The following NAE1 variants were observed in gnomAD, a reference collection of about 807,000 sequenced individuals.
The protein encoded by NAE1 is NEDD8 activating enzyme E1 subunit 1, also known as NEDD8-activating enzyme E1 regulatory subunit.
A neutral mutation model predicts 88.0 loss-of-function variants in NAE1; 59 were observed. That is an observed-to-expected ratio of 0.67 (90% CI 0.54 to 0.83). The LOEUF is 0.83. Ranked by LOEUF, NAE1 falls within the 40% of genes least tolerant of loss-of-function variation. The probability of loss-of-function intolerance (pLI) is 0.00; values close to 1 mark genes in which losing one functional copy is unlikely to be tolerated. For synonymous variants in NAE1, 186 were observed against 208.9 expected (o/e 0.89, Z 0.95); for missense variants, 554 against 632.8 (o/e 0.88, Z 1.34).
chr16:66,820,473 A>G (rs932477053), intron 7 of NAE1, among the ~76,000 whole-genome samples: 5 of 152,190 alleles, frequency 3.3e-5, no homozygotes, highest in African/African-American at 9.7e-5. Flanking sequence ...AAAAGATTGG[A>G]CGGACCTGGT....
At chr16:66,803,764 T>C (rs1959449253) in intron 19 of NAE1, among the ~76,000 whole-genome samples, 1 of 152,036 alleles carries the variant, frequency 6.6e-6, no homozygotes, top group Admixed American at 6.6e-5. Context: ...ATAATTTTTT[T>C]GTATTTTTAG....
intron 1 of NAE1, among the ~76,000 whole-genome samples, chr16:66,828,889 C>T (rs994415710): frequency 1.3e-5 from 2 of 151,254 alleles, no homozygotes; most frequent in Admixed American, 6.6e-5. Context: ...GCAGGAGGAT[C>T]GTTAGAGCCC....
chr16:66,823,496 A>G, intron 5 of NAE1, 33 bp downstream of exon 5: 1 of 1,544,638 alleles, frequency 6.5e-7, no homozygotes, highest in Non-Finnish European at 8.9e-7. Flanking sequence ...ATTGTATTTC[A>G]GCACAGACAT....
intron 7 of NAE1, among the ~76,000 whole-genome samples, chr16:66,819,578 T>C (rs1371079600): frequency 1.3e-5 from 2 of 152,218 alleles, no homozygotes; most frequent in African/African-American, 4.8e-5. Context: ...CTTGGGACCA[T>C]AAGTGTTTTG....
intron 7 of NAE1, 93 bp downstream of exon 7, chr16:66,821,357 C>T (rs1960250826): frequency 7.3e-7 from 1 of 1,365,574 alleles, no homozygotes; most frequent in Admixed American, 3.4e-5. Context: ...TACAAATTTA[C>T]TTTGTAATTT....
chr16:66,804,707 A>G (rs1351359675), intron 19 of NAE1, among the ~76,000 whole-genome samples: 2 of 152,038 alleles, frequency 1.3e-5, no homozygotes, highest in Admixed American at 6.6e-5. Flanking sequence ...CCCCAGTGTA[A>G]TTGTATGAGG....
chr16:66,829,052 A>C (rs1171555793), intron 1 of NAE1, among the ~76,000 whole-genome samples: 1 of 152,064 alleles, frequency 6.6e-6, no homozygotes, highest in Non-Finnish European at 1.5e-5. Flanking sequence ...AATAGGCCAA[A>C]TGAATCAGTC....
intron 13 of NAE1, among the ~76,000 whole-genome samples, chr16:66,811,189 G>A (rs1385472966): frequency 3.3e-5 from 5 of 152,188 alleles, no homozygotes; most frequent in African/African-American, 4.8e-5. Context: ...ACAGGATCTC[G>A]CTCTGCCACC....
chr16:66,810,269 A>G, intron 15 of NAE1, 105 bp downstream of exon 15: 1 of 868,708 alleles, frequency 1.2e-6, no homozygotes, highest in Admixed American at 2.2e-5. Flanking sequence ...TATATCACTG[A>G]GGCCATGGAA....
rs10693264 is a variant in NAE1, at chr16:66,814,610, T to TACACAC, written c.841-770_841-765dup. The stretch of plus-strand genomic sequence containing the variant: ...CCTGTCTCAAAAAAAAAAAAAAAAA[T>TACACAC]ACACACACACACACACACAAATCAT... On this transcript the variant is annotated intron_variant, in intron 11 of 19. Transcript: ENST00000290810. 9.2e-3 allele frequency among the ~76,000 whole-genome samples: 1,284 copies of TACACAC among 138,950 alleles called. 15 individuals are homozygous for TACACAC. Among genetic ancestry groups the TACACAC allele is most frequent in the South Asian group, 0.043 (184 of 4,302 alleles). 91.2% of individuals were successfully genotyped at this position (138,950 alleles called of 152,430 possible). A position where few individuals can be genotyped will look rare whatever the true frequency, so the allele number is the denominator to read the frequency against.
intron 6 of NAE1, among the ~76,000 whole-genome samples, chr16:66,821,924 C>T (rs1032992488): frequency 1.3e-5 from 2 of 152,148 alleles, no homozygotes; most frequent in Admixed American, 6.5e-5. Context: ...GGCTGGAGTG[C>T]AGTGGCATGA....
intron 13 of NAE1, among the ~76,000 whole-genome samples, chr16:66,811,804 T>C (rs149644719): frequency 6.6e-4 from 101 of 152,338 alleles, no homozygotes; most frequent in Non-Finnish European, 1.1e-3. Flanking sequence ...CTATCCTCAA[T>C]TGACCTTCCC....
At chr16:66,830,819 G>T in intron 1 of NAE1, 28 bp downstream of exon 1, 1 of 1,509,882 alleles carries the variant, frequency 6.6e-7, no homozygotes, top group African/African-American at 1.4e-5. Context: ...CCGCCGGCCC[G>T]CCCTCGGCTC....
intron 1 of NAE1, among the ~76,000 whole-genome samples, chr16:66,829,188 G>T (rs899505470): frequency 2.6e-5 from 4 of 152,138 alleles, no homozygotes; most frequent in African/African-American, 9.7e-5. Context: ...GTAAAGTTTG[G>T]GACTTAAATG....
chr16:66,825,320 G>A (rs796849282), intron 3 of NAE1, among the ~76,000 whole-genome samples: 9 of 152,000 alleles, frequency 5.9e-5, no homozygotes, highest in East Asian at 1.9e-4. Context: ...GGTGGCGGGC[G>A]CCTGTAGTCC....
At chr16:66,827,294 T>C (rs1328154533) in intron 1 of NAE1, among the ~76,000 whole-genome samples, 1 of 151,386 alleles carries the variant, frequency 6.6e-6, no homozygotes, top group African/African-American at 2.4e-5. Flanking sequence ...ATGTGCCAGG[T>C]GCAGTGGCTC....
chr16:66,829,015 G>C (rs1960585628), intron 1 of NAE1, among the ~76,000 whole-genome samples: 1 of 151,778 alleles, frequency 6.6e-6, no homozygotes, highest in Non-Finnish European at 1.5e-5. Context: ...AAGAATCCTG[G>C]TGTGTCTCTA....
At chr16:66,807,747 A>G (rs543453378) in intron 17 of NAE1, among the ~76,000 whole-genome samples, 1 of 152,318 alleles carries the variant, frequency 6.6e-6, no homozygotes, top group East Asian at 1.9e-4. Flanking sequence ...ATCCTGCACA[A>G]TTAAAATTAT....
chr16:66,825,670 A>G (rs1960438641), intron 3 of NAE1, among the ~76,000 whole-genome samples: 1 of 151,874 alleles, frequency 6.6e-6, no homozygotes, highest in Admixed American at 6.6e-5. Flanking sequence ...GGTGTATTGA[A>G]CCATTTGTTT....
Sources: gnomAD v4.1 joint callset for allele counts (sites outside exome capture counted in the v4.1 genomes callset) on GRCh38, gnomAD v4.1.1 for gene constraint, MANE v1.5 for transcripts, NCBI Gene and HGNC (gene_info 2026-07-23, HGNC 2026-07-21) for gene names.